Variants in DDI2 observed in about 807,000 individuals in gnomAD.
The protein encoded by DDI2 is protein DDI1 homolog 2.
Under a neutral mutation model 48.1 loss-of-function variants are expected in DDI2, and 5 were observed. That is an observed-to-expected ratio of 0.10 (90% confidence interval 0.05 to 0.22). The LOEUF (loss-of-function observed/expected upper bound fraction) is 0.22, where lower values mean the gene tolerates loss of function less well. Among genes scored for constraint, DDI2 ranks in the 10% least tolerant of loss-of-function variants. DDI2 has a pLI of 1.00. For synonymous variants in DDI2, 205 were observed against 183.6 expected (o/e 1.12, Z -0.94); for missense variants, 285 against 506.2 (o/e 0.56, Z 4.19).
intron 3 of DDI2, among the ~76,000 whole-genome samples, chr1:15,632,928 TTTTA>T (rs1341595613): frequency 1.6e-5 from 2 of 121,508 alleles, no homozygotes; most frequent in Non-Finnish European, 3.5e-5. Flanking sequence ...TTTTTTTTTT[TTTTA>T]AAAAAAAAAA....
At chr1:15,645,076 G>A (rs1640069106) in intron 6 of DDI2, among the ~76,000 whole-genome samples, 1 of 152,042 alleles carries the variant, frequency 6.6e-6, no homozygotes, top group South Asian at 2.1e-4. Context: ...TCTTAGTAGA[G>A]ACGAGGTTTC....
At chr1:15,618,388 T>C (rs1477644105) in intron 1 of DDI2, among the ~76,000 whole-genome samples, 2 of 152,130 alleles carry the variant, frequency 1.3e-5, no homozygotes, top group Non-Finnish European at 2.9e-5. Context: ...TTGGAAATGC[T>C]CTTTACCCAC....
chr1:15,652,684 G>T (rs985358310), intron 8 of DDI2, among the ~76,000 whole-genome samples: 1 of 151,968 alleles, frequency 6.6e-6, no homozygotes, highest in Non-Finnish European at 1.5e-5. Flanking sequence ...TTAGCCGGGC[G>T]TAGTGGTAGG....
chr1:15,621,713 A>G (rs558648124), intron 1 of DDI2, among the ~76,000 whole-genome samples: 22 of 152,136 alleles, frequency 1.4e-4, no homozygotes, highest in Non-Finnish European at 2.9e-4. Context: ...AAGGCTACAT[A>G]ATATACCATC....
At chr1:15,625,940 G>A (rs532927482) in intron 1 of DDI2, among the ~76,000 whole-genome samples, 5 of 152,232 alleles carry the variant, frequency 3.3e-5, no homozygotes, top group Admixed American at 2.0e-4. Context: ...CTTTGGGGGT[G>A]GTAGAAGAGA....
chr1:15,656,498 C>T, intron 8 of DDI2, 119 bp from the exon 9 acceptor site: 2 of 1,596,500 alleles, frequency 1.3e-6, no homozygotes, highest in Non-Finnish European at 1.7e-6. Flanking sequence ...CATCCCTCAA[C>T]TTGGAATCTA....
chr1:15,628,493 C>T (rs1639792130), intron 2 of DDI2, among the ~76,000 whole-genome samples: 1 of 152,150 alleles, frequency 6.6e-6, no homozygotes, highest in Non-Finnish European at 1.5e-5. Context: ...CTTAATAGTG[C>T]AAGGATTGTG....
intron 5 of DDI2, 41 bp from the exon 6 acceptor site, chr1:15,643,481 G>C (rs1256485637): frequency 6.2e-7 from 1 of 1,600,208 alleles, no homozygotes; most frequent in African/African-American, 1.3e-5. Context: ...CTCACAAAGT[G>C]GATTTTGTTT....
At chr1:15,619,680 C>G (rs930161744) in intron 1 of DDI2, among the ~76,000 whole-genome samples, 1 of 150,534 alleles carries the variant, frequency 6.6e-6, no homozygotes, top group African/African-American at 2.4e-5. Context: ...CCAGGATGGT[C>G]TCGATCTCCT....
Position 15,655,994 on chromosome 1 carries a change from G to GT in DDI2, c.1184-619dup, listed in dbSNP as rs200394713. Among the ~76,000 whole-genome samples the GT allele has an allele frequency of 1.3e-4, 19 of 151,496 alleles. No homozygotes were observed. In the South Asian group the frequency reaches 1.7e-3, roughly 13 times the overall value. On this transcript the variant is annotated intron_variant, in intron 8 of 9. Coordinates refer to ENST00000480945, the MANE Select transcript of DDI2 (RefSeq NM_032341.5). ...TCTATTATAAACTCTATATTAAAATGTTTTAAAAAAAAAACATGTTTTTGA... is the reference window on the plus strand; with the variant it reads ...TCTATTATAAACTCTATATTAAAATGTTTTTAAAAAAAAAACATGTTTTTGA...
In DDI2 at chr1:15,661,286, T is replaced by C; in HGVS notation, c.*1496T>C. On this transcript the variant is annotated 3_prime_UTR_variant, in exon 10 of 10. Transcript: ENST00000480945. ...GAATCCATAAATAAGAACCGTTCTG[T>C]CACTGTAACCTCAGCTAAAACATCC... The C allele has an allele frequency of 6.2e-7, 1 of 1,614,164 alleles. No individual in the cohort carries two copies. The highest frequency in any genetic ancestry group is 8.5e-7 in the Non-Finnish European group (1 of 1,180,016).
At chr1:15,651,133 G>A (rs1041363220) in intron 7 of DDI2, among the ~76,000 whole-genome samples, 9 of 151,496 alleles carry the variant, frequency 5.9e-5, no homozygotes, top group African/African-American at 2.2e-4. Flanking sequence ...GATTACAGGC[G>A]TGAGCCACCA....
chr1:15,649,526 C>T (rs1055372114), intron 6 of DDI2, among the ~76,000 whole-genome samples, 194 bp from the exon 7 acceptor site: 1 of 152,066 alleles, frequency 6.6e-6, no homozygotes, highest in Non-Finnish European at 1.5e-5. Flanking sequence ...CCAAAATTAG[C>T]CAGGCGTGGT....
chr1:15,620,462 A>G (rs1557610550), intron 1 of DDI2, among the ~76,000 whole-genome samples: 1 of 150,848 alleles, frequency 6.6e-6, no homozygotes, highest in Non-Finnish European at 1.5e-5. Context: ...CTCTCATATT[A>G]CTCATCTTCC....
intron 2 of DDI2, among the ~76,000 whole-genome samples, chr1:15,628,776 T>C (rs972096840): frequency 2.0e-5 from 3 of 152,208 alleles, no homozygotes; most frequent in African/African-American, 4.8e-5. Context: ...ATTCATGAGT[T>C]GTGTAACCAT....
At chr1:15,641,973 AAAAG>A (rs1640017554) in intron 5 of DDI2, among the ~76,000 whole-genome samples, 1 of 151,602 alleles carries the variant, frequency 6.6e-6, no homozygotes, top group Non-Finnish European at 1.5e-5. Flanking sequence ...AAAAAAAAAA[AAAAG>A]GAGAAGAAAG....
At position 15,652,466 on chromosome 1, in the gene DDI2, C is replaced by T. The variant is rs1319682985; in HGVS notation, c.1183+571C>T. ...GGCTCCGGAGGGGGGGGGGGGGGGG[C>T]GGATCACCTGAGGTCAGGAGTTTGA... is the stretch of plus-strand genomic sequence containing the variant. On this transcript the variant is annotated intron_variant, in intron 8 of 9. Coordinates refer to ENST00000480945, the MANE Select transcript of DDI2 (RefSeq NM_032341.5). Among the ~76,000 whole-genome samples, 5 of 32,648 alleles carry T rather than the reference C, an allele frequency of 1.5e-4. 1 individual carries two copies. Among genetic ancestry groups the T allele is most frequent in the African/African-American group, 4.2e-4 (4 of 9,612 alleles). 21.4% of individuals were successfully genotyped at this position (32,648 alleles called of 152,430 possible). A position where few individuals can be genotyped will look rare whatever the true frequency, so the allele number is the denominator to read the frequency against.
intron 6 of DDI2, among the ~76,000 whole-genome samples, chr1:15,644,046 G>A (rs1570981290): frequency 6.6e-6 from 1 of 152,150 alleles, no homozygotes; most frequent in Non-Finnish European, 1.5e-5. Flanking sequence ...TTCATGGCTA[G>A]TATTATTTTC....
chr1:15,629,155 C>T lies in DDI2; in HGVS notation c.269-1170C>T, dbSNP rs553582049. Among the ~76,000 whole-genome samples, 3 of 152,076 alleles carry T rather than the reference C, an allele frequency of 2.0e-5. No homozygotes were observed. In the South Asian group the frequency reaches 6.2e-4, roughly 32 times the overall value. ...TAAAATGATGACACTGTTTAGCTCC[C>T]CAAGGGCATGAGAAGAGTTAGCAGA... is the stretch of plus-strand genomic sequence containing the variant. On this transcript the variant is annotated intron_variant, in intron 2 of 9. Coordinates refer to ENST00000480945, the MANE Select transcript of DDI2 (RefSeq NM_032341.5).
Sources: allele counts gnomAD v4.1 joint callset (sites outside exome capture counted in the v4.1 genomes callset), GRCh38; gene constraint gnomAD v4.1.1; transcripts MANE v1.5; gene names NCBI Gene and HGNC (gene_info 2026-07-23, HGNC 2026-07-21).